The following PDE10A variants were observed in gnomAD, a reference collection of about 807,000 sequenced individuals.
PDE10A encodes cAMP and cAMP-inhibited cGMP 3',5'-cyclic phosphodiesterase 10A.
A neutral mutation model predicts 97.7 loss-of-function variants in PDE10A; 39 were observed. The observed-to-expected ratio is 0.40, with a 90% CI of 0.31 to 0.52. The LOEUF is 0.52. Among genes scored for constraint, PDE10A ranks in the 20% least tolerant of loss-of-function variants. The pLI is 0.56. For synonymous variants in PDE10A, 371 were observed against 376.8 expected (o/e 0.98, Z 0.18); for missense variants, 731 against 1,047.8 (o/e 0.70, Z 4.17).
At chr6:165,926,690 C>T (rs1182197037) in intron 1 of PDE10A, among the ~76,000 whole-genome samples, 2 of 147,550 alleles carry the variant, frequency 1.4e-5, no homozygotes. Context: ...CACCCAATCC[C>T]ACCCAATGCT....
At chr6:165,333,377 G>A (rs1781453815) in intron 21 of PDE10A, among the ~76,000 whole-genome samples, 1 of 152,172 alleles carries the variant, frequency 6.6e-6, no homozygotes, top group East Asian at 1.9e-4. Flanking sequence ...CAGCAGAAAT[G>A]CTAGGGCTCA....
chr6:165,806,341 C>T, intron 1 of PDE10A, among the ~76,000 whole-genome samples: 1 of 152,206 alleles, frequency 6.6e-6, no homozygotes, highest in East Asian at 1.9e-4. Flanking sequence ...TCCGCGTTCT[C>T]CATCATGTAG....
intron 1 of PDE10A, among the ~76,000 whole-genome samples, chr6:165,834,906 T>C (rs1474994025): frequency 6.6e-6 from 1 of 152,196 alleles, no homozygotes; most frequent in Admixed American, 6.5e-5. Context: ...GGAGTTAGCT[T>C]CCTTCGGCTC....
At chr6:165,929,321 G>C (rs985037132) in intron 1 of PDE10A, among the ~76,000 whole-genome samples, 30 of 152,176 alleles carry the variant, frequency 2.0e-4, no homozygotes, top group African/African-American at 7.2e-4. Flanking sequence ...TCAAACATGG[G>C]GTTGTGCTTT....
At chr6:165,377,236 T>C (rs916716726) in intron 18 of PDE10A, among the ~76,000 whole-genome samples, 14 of 152,084 alleles carry the variant, frequency 9.2e-5, no homozygotes, top group South Asian at 2.1e-4. Flanking sequence ...TACATCTGAG[T>C]TATGCTTGAA....
At chr6:165,524,030 C>G (rs1782284225) in intron 2 of PDE10A, among the ~76,000 whole-genome samples, 1 of 152,126 alleles carries the variant, frequency 6.6e-6, no homozygotes, top group Non-Finnish European at 1.5e-5. Flanking sequence ...ACTGGCCTAG[C>G]TTTCCAGCCT....
At chr6:165,907,589 C>T (rs1009088502) in intron 1 of PDE10A, among the ~76,000 whole-genome samples, 3 of 152,238 alleles carry the variant, frequency 2.0e-5, no homozygotes, top group Admixed American at 2.0e-4. Flanking sequence ...CCCTCATCAT[C>T]CTGCTCCTCA....
At chr6:165,397,075 T>C (rs1190726163) in intron 13 of PDE10A, among the ~76,000 whole-genome samples, 2 of 152,206 alleles carry the variant, frequency 1.3e-5, no homozygotes, top group Admixed American at 6.5e-5. Flanking sequence ...AGTAAGTATA[T>C]AAATTGGTAA....
chr6:165,910,288 A>G (rs1782415512), intron 1 of PDE10A, among the ~76,000 whole-genome samples: 1 of 152,254 alleles, frequency 6.6e-6, no homozygotes. Flanking sequence ...CAAGATGGCC[A>G]GAAAACTCAG....
chr6:165,360,654 T>C (rs931379400), intron 18 of PDE10A, among the ~76,000 whole-genome samples: 1 of 152,064 alleles, frequency 6.6e-6, no homozygotes, highest in Non-Finnish European at 1.5e-5. Context: ...GGAGGAGCCA[T>C]CCTATGGTGA....
At chr6:165,705,183 A>G (rs1791677432) in intron 1 of PDE10A, among the ~76,000 whole-genome samples, 1 of 152,234 alleles carries the variant, frequency 6.6e-6, no homozygotes, top group African/African-American at 2.4e-5. Context: ...TGGGGTTTGA[A>G]TCCAGGTTGT....
chr6:165,817,928 C>T (rs1169467855), intron 1 of PDE10A, among the ~76,000 whole-genome samples: 2 of 152,222 alleles, frequency 1.3e-5, no homozygotes, highest in South Asian at 2.1e-4. Context: ...TCTGACCCTA[C>T]CTGCCTCACA....
chr6:165,354,217 T>G (rs966971755), intron 18 of PDE10A, among the ~76,000 whole-genome samples: 4 of 152,108 alleles, frequency 2.6e-5, no homozygotes, highest in Non-Finnish European at 5.9e-5. Context: ...AGAAAAGCAG[T>G]CTGGAAGTGT....
At chr6:165,567,936 C>A (rs1784854068) in intron 1 of PDE10A, among the ~76,000 whole-genome samples, 1 of 149,904 alleles carries the variant, frequency 6.7e-6, no homozygotes, top group African/African-American at 2.4e-5. Context: ...TCTCTACTTA[C>A]CTTTGTAACA....
chr6:165,586,533 T>C (rs2987294), intron 1 of PDE10A, among the ~76,000 whole-genome samples: 122,199 of 152,126 alleles, frequency 0.8, 51,807 homozygotes, highest in Non-Finnish European at 0.95. Context: ...TGATACTATA[T>C]ATCAAAAGGC....
At chr6:165,775,269 A>C (rs556786174) in intron 1 of PDE10A, 1 of 152,356 alleles carries the variant, frequency 6.6e-6, no homozygotes, top group South Asian at 2.1e-4. Flanking sequence ...GAACGGTGAT[A>C]TCATAATCAC....
intron 18 of PDE10A, among the ~76,000 whole-genome samples, chr6:165,358,583 T>G (rs1783186416): frequency 6.6e-6 from 1 of 151,956 alleles, no homozygotes. Flanking sequence ...CTACTTAAAG[T>G]GCATACGTCA....
chr6:165,795,708 C>T (rs760753822), intron 1 of PDE10A, among the ~76,000 whole-genome samples: 3 of 152,010 alleles, frequency 2.0e-5, no homozygotes, highest in Non-Finnish European at 4.4e-5. Flanking sequence ...GCCAAGATCG[C>T]GCTACTGCAA....
intron 1 of PDE10A, among the ~76,000 whole-genome samples, chr6:165,766,265 T>C (rs75769978): frequency 0.051 from 7,747 of 152,274 alleles, 223 homozygotes; most frequent in South Asian, 0.1. Flanking sequence ...GGGCATTTGC[T>C]CACATTTACT....
Sources: gnomAD v4.1 joint callset for allele counts (sites outside exome capture counted in the v4.1 genomes callset) on GRCh38, gnomAD v4.1.1 for gene constraint, MANE v1.5 for transcripts, NCBI Gene and HGNC (gene_info 2026-07-23, HGNC 2026-07-21) for gene names.